CMIP: variants seen among roughly 807,000 people sequenced by gnomAD.
CMIP encodes the protein C-Maf-inducing protein.
Under a neutral mutation model 97.3 loss-of-function variants are expected in CMIP, and 13 were observed. The observed-to-expected ratio is 0.13, with a 90% CI of 0.09 to 0.21. CMIP has a LOEUF of 0.21. Among genes scored for constraint, CMIP ranks in the 10% least tolerant of loss-of-function variants. The pLI is 1.00. For missense variants in CMIP, 847 were observed against 1,024.9 expected, an observed-to-expected ratio of 0.83 and a Z score of 2.37; for synonymous variants, 538 against 436.3, an observed-to-expected ratio of 1.23 and a Z score of -2.91.
intron 1 of CMIP, among the ~76,000 whole-genome samples, chr16:81,549,812 C>T (rs1168935105): frequency 5.3e-5 from 8 of 152,166 alleles, no homozygotes; most frequent in Non-Finnish European, 1.2e-4. Context: ...GTTCTCTTCC[C>T]ATGTGGAGAA....
intron 1 of CMIP, among the ~76,000 whole-genome samples, chr16:81,465,837 C>T (rs971354495): frequency 3.3e-5 from 5 of 152,190 alleles, no homozygotes; most frequent in African/African-American, 7.2e-5. Context: ...TCCAGACCTT[C>T]GCTCAGGGTC....
intron 1 of CMIP, among the ~76,000 whole-genome samples, chr16:81,542,431 G>A (rs1055465214): frequency 1.1e-4 from 16 of 152,184 alleles, no homozygotes; most frequent in Non-Finnish European, 4.4e-5. Context: ...TTGGGAGATT[G>A]GTAGCATGGC....
intron 1 of CMIP, among the ~76,000 whole-genome samples, chr16:81,478,316 T>C (rs538481973): frequency 3.3e-5 from 5 of 152,082 alleles, no homozygotes; most frequent in Admixed American, 2.0e-4. Context: ...CAGCAAGCCG[T>C]AGAGTAGAAC....
intron 3 of CMIP, among the ~76,000 whole-genome samples, chr16:81,628,920 G>C (rs970828075): frequency 3.3e-5 from 5 of 151,946 alleles, no homozygotes; most frequent in African/African-American, 1.2e-4. Context: ...AGGATCACTT[G>C]AGGTCAGGAG....
intron 1 of CMIP, among the ~76,000 whole-genome samples, chr16:81,597,681 G>T (rs953858991): frequency 6.6e-6 from 1 of 152,134 alleles, no homozygotes; most frequent in African/African-American, 2.4e-5. Flanking sequence ...CCAACTCCGT[G>T]GGGCTCCAGC....
At chr16:81,454,239 A>G (rs1027764914) in intron 1 of CMIP, among the ~76,000 whole-genome samples, 2 of 152,194 alleles carry the variant, frequency 1.3e-5, no homozygotes, top group Non-Finnish European at 2.9e-5. Flanking sequence ...CACAGTGCTC[A>G]TTTAATTTTC....
chr16:81,553,861 G>T (rs1265605286), intron 1 of CMIP, among the ~76,000 whole-genome samples: 2 of 152,240 alleles, frequency 1.3e-5, no homozygotes, highest in Non-Finnish European at 2.9e-5. Flanking sequence ...CTTCAGCTTT[G>T]TGTGCAGACA....
intron 1 of CMIP, among the ~76,000 whole-genome samples, chr16:81,561,238 A>G (rs1220759162): frequency 2.0e-5 from 3 of 152,234 alleles, no homozygotes; most frequent in Admixed American, 2.0e-4. Context: ...TGCAGGCGTG[A>G]GTCAGTGTGC....
At chr16:81,668,200 A>T (rs1358098413) in intron 7 of CMIP, among the ~76,000 whole-genome samples, 1 of 152,094 alleles carries the variant, frequency 6.6e-6, no homozygotes, top group East Asian at 1.9e-4. Flanking sequence ...ACAGGTCTGG[A>T]GACTCCAGGC....
At chr16:81,640,766 G>C (rs558664470) in intron 3 of CMIP, among the ~76,000 whole-genome samples, 87 of 145,036 alleles carry the variant, frequency 6.0e-4, no homozygotes, top group African/African-American at 2.1e-3. Context: ...GTGTGTGTGT[G>C]TGTGTCTCTC....
intron 1 of CMIP, among the ~76,000 whole-genome samples, chr16:81,512,593 T>C (rs1469839007): frequency 6.6e-6 from 1 of 152,228 alleles, no homozygotes; most frequent in African/African-American, 2.4e-5. Context: ...CCCCTTTGTA[T>C]CAAGTTTAGA....
chr16:81,666,972 G>GA (rs1019329066), intron 7 of CMIP: 2 of 77,218 alleles, frequency 2.6e-5, no homozygotes, highest in African/African-American at 7.9e-5. Context: ...GCTGGTGTGG[G>GA]GGGGGGGTCA....
In CMIP at chr16:81,445,466, C is replaced by A. The variant is rs1191572164; in HGVS notation, c.225C>A (p.Ile75=). Residue 75 remains isoleucine (I), a synonymous_variant, in exon 1 of 21, where the codon ATC becomes ATA. Transcript: ENST00000537098. Reference sequence around the variant, plus strand: ...ACCCGCGGACCTTTCTCAGCAAGATCCTCACCTCGAAATTCCTGAGGCGCT... The same window carrying A: ...ACCCGCGGACCTTTCTCAGCAAGATACTCACCTCGAAATTCCTGAGGCGCT... The part of the protein sequence containing the change: ...IRHPRTFLSK[I]LTSKFLRRWE... 6.4e-7 allele frequency: 1 copy of A among 1,568,746 alleles called. No homozygotes were observed. The highest frequency in any genetic ancestry group is 8.6e-7 in the Non-Finnish European group (1 of 1,157,070).
intron 10 of CMIP, among the ~76,000 whole-genome samples, chr16:81,681,705 C>T (rs1022336646): frequency 6.6e-6 from 1 of 152,256 alleles, no homozygotes; most frequent in Non-Finnish European, 1.5e-5. Flanking sequence ...ATTTATTGCA[C>T]ACCTGGATTG....
chr16:81,689,914 C>G (rs559862360), intron 10 of CMIP, among the ~76,000 whole-genome samples: 6 of 152,186 alleles, frequency 3.9e-5, no homozygotes, highest in Non-Finnish European at 8.8e-5. Flanking sequence ...AATAGGGAAT[C>G]CTTTCCCCAT....
chr16:81,491,403 C>T (rs1188987263), intron 1 of CMIP, among the ~76,000 whole-genome samples: 1 of 152,198 alleles, frequency 6.6e-6, no homozygotes, highest in African/African-American at 2.4e-5. Context: ...CCCTGCCCTG[C>T]TTCCTTACAG....
At chr16:81,631,033 C>G (rs900855941) in intron 3 of CMIP, 1 of 152,346 alleles carries the variant, frequency 6.6e-6, no homozygotes, top group Non-Finnish European at 1.5e-5. Flanking sequence ...CCAAGCCCCA[C>G]AGTGGGTCAT....
chr16:81,557,421 C>G (rs1044934668), intron 1 of CMIP, among the ~76,000 whole-genome samples: 5 of 152,022 alleles, frequency 3.3e-5, no homozygotes, highest in Admixed American at 1.3e-4. Context: ...TTGGCAGCCT[C>G]TTCGTTCTTT....
intron 1 of CMIP, among the ~76,000 whole-genome samples, chr16:81,513,993 GT>G (rs1328862799): frequency 6.6e-6 from 1 of 151,800 alleles, no homozygotes; most frequent in Non-Finnish European, 1.5e-5. Context: ...AGACCATGGG[GT>G]TTCCGTTGTG....
Sources: gnomAD v4.1 joint callset for allele counts (sites outside exome capture counted in the v4.1 genomes callset) on GRCh38, gnomAD v4.1.1 for gene constraint, MANE v1.5 for transcripts, NCBI Gene and HGNC (gene_info 2026-07-23, HGNC 2026-07-21) for gene names.